The following DMD variants were observed in gnomAD, a reference collection of about 807,000 sequenced individuals.
DMD encodes the protein mutant dystrophin.
In DMD, 63 loss-of-function variants were observed where a neutral mutation model predicts 330.1. That is an observed-to-expected ratio of 0.19 (90% CI 0.16 to 0.24). The LOEUF (loss-of-function observed/expected upper bound fraction) is 0.24. DMD is among the 10% of genes least tolerant of loss of function. The probability of loss-of-function intolerance (pLI) is 1.00; values close to 1 mark genes in which losing one functional copy is unlikely to be tolerated. For missense variants in DMD, 3,344 were observed against 2,684.1 expected, an observed-to-expected ratio of 1.25 and a Z score of -5.43; for synonymous variants, 1,223 against 959.8, an observed-to-expected ratio of 1.27 and a Z score of -5.07.
chrX:32,587,507 T>A (rs5927085), intron 13 of DMD, among the ~76,000 whole-genome samples: 1 of 111,789 alleles, frequency 8.9e-6, no homozygotes, highest in African/African-American at 3.2e-5. Flanking sequence ...TTTTTTCTTA[T>A]GAAAGTAATT....
chrX:32,213,593 A>G (rs1430680783), intron 44 of DMD, among the ~76,000 whole-genome samples: 1 of 112,148 alleles, frequency 8.9e-6, no homozygotes, highest in Non-Finnish European at 1.9e-5. Flanking sequence ...TCTTTTCTGA[A>G]AGAATTTTTC....
chrX:31,575,210 T>C (rs1569552287), intron 55 of DMD, among the ~76,000 whole-genome samples: 3 of 112,098 alleles, frequency 2.7e-5, no homozygotes, highest in African/African-American at 9.7e-5. Flanking sequence ...TGTAGATGTA[T>C]AACAAAACTA....
intron 30 of DMD, among the ~76,000 whole-genome samples, chrX:32,409,470 A>C (rs2098133068): frequency 9.0e-6 from 1 of 111,656 alleles, no homozygotes; most frequent in South Asian, 3.7e-4. Flanking sequence ...AAAAACAAGT[A>C]ATGTTTATAA....
chrX:33,256,454 C>T (rs1238015929), intron 1 of DMD, among the ~76,000 whole-genome samples: 4 of 110,220 alleles, frequency 3.6e-5, no homozygotes, highest in African/African-American at 1.3e-4. Flanking sequence ...CCTAGAAAAG[C>T]GTGGCTTCTA....
intron 1 of DMD, among the ~76,000 whole-genome samples, chrX:33,258,656 A>G (rs2052899143): frequency 9.0e-6 from 1 of 111,010 alleles, no homozygotes; most frequent in Non-Finnish European, 1.9e-5. Flanking sequence ...GCCTTTCTCC[A>G]CTTTATCCTA....
intron 51 of DMD, among the ~76,000 whole-genome samples, chrX:31,764,644 A>T (rs1447957473): frequency 9.0e-6 from 1 of 111,704 alleles, no homozygotes; most frequent in Non-Finnish European, 1.9e-5. Context: ...AATTTTTTTT[A>T]ATTTCTAGTT....
chrX:31,726,788 T>A (rs1211784880), intron 52 of DMD, among the ~76,000 whole-genome samples: 1 of 112,175 alleles, frequency 8.9e-6, no homozygotes, highest in African/African-American at 3.2e-5. Context: ...AGACTCTTAA[T>A]AAGCGCTATG....
At chrX:32,670,678 A>G (rs758631173) in intron 9 of DMD, among the ~76,000 whole-genome samples, 3 of 112,590 alleles carry the variant, frequency 2.7e-5, no homozygotes, top group South Asian at 3.6e-4. Context: ...TGGAATTTTA[A>G]GAAAGTAAGC....
At chrX:33,128,478 A>C in intron 1 of DMD, 1 of 900,031 alleles carries the variant, frequency 1.1e-6, no homozygotes, top group Non-Finnish European at 1.4e-6. Flanking sequence ...TCACCGGCTC[A>C]ATCTACCTGA....
At chrX:31,237,124 AT>A (rs1000666034) in intron 63 of DMD, among the ~76,000 whole-genome samples, 3 of 112,259 alleles carry the variant, frequency 2.7e-5, no homozygotes, top group African/African-American at 9.7e-5. Flanking sequence ...TGCAAAAAAC[AT>A]TTTTGCAACA....
rs752270272 is a variant in DMD at position 33,085,131 on chromosome X, C to G, written c.32-64931G>C. 2.7e-5 allele frequency among the ~76,000 whole-genome samples: 3 copies of G among 111,197 alleles called. No homozygotes were observed. In the East Asian group the frequency reaches 8.5e-4, roughly 32 times the overall value. On this transcript the variant is annotated intron_variant, in intron 1 of 78. Transcript: ENST00000357033. ...CAGAATTGTACAAAACATTTTTAAACCTATATGTATTACTGATGATTTAAG... is the reference window on the plus strand; with the variant it reads ...CAGAATTGTACAAAACATTTTTAAAGCTATATGTATTACTGATGATTTAAG...
At chrX:32,531,058 A>G (rs2047432577) in intron 17 of DMD, among the ~76,000 whole-genome samples, 1 of 111,900 alleles carries the variant, frequency 8.9e-6, no homozygotes, top group Admixed American at 9.5e-5. Context: ...TCGTTTTCTT[A>G]TCTGCATAAC....
chrX:32,731,059 G>A lies in DMD; in HGVS notation c.650-31766C>T, dbSNP rs5928072. Among the ~76,000 whole-genome samples, 1,030 of 111,485 alleles carry A rather than the reference G, an allele frequency of 9.2e-3. 2 individuals carry two copies. The highest frequency in any genetic ancestry group is 0.013 in the Non-Finnish European group (703 of 53,046). ...GCGCAGCTCAGTGGGTGCGTGCACC[G>A]TGCGCGACCCGAAGCAGGGTGAGGC... is the stretch of plus-strand genomic sequence containing the variant. On this transcript the variant is annotated intron_variant, in intron 7 of 78. Coordinates refer to ENST00000357033, the MANE Select transcript of DMD (RefSeq NM_004006.3).
chrX:32,111,761 C>T (rs1186979308), intron 44 of DMD, among the ~76,000 whole-genome samples: 1 of 111,113 alleles, frequency 9.0e-6, no homozygotes, highest in Non-Finnish European at 1.9e-5. Context: ...CAGCTCTGAC[C>T]GAATCATAAT....
chrX:32,608,368 T>C (rs933803100), intron 12 of DMD, among the ~76,000 whole-genome samples: 6 of 110,744 alleles, frequency 5.4e-5, no homozygotes, highest in Non-Finnish European at 1.1e-4. Flanking sequence ...AGTGTGATGT[T>C]CTTTTTTACA....
intron 55 of DMD, among the ~76,000 whole-genome samples, chrX:31,525,388 C>G (rs2073165743): frequency 9.0e-6 from 1 of 111,639 alleles, no homozygotes; most frequent in Admixed American, 9.5e-5. Flanking sequence ...TTTCTGTGCT[C>G]CTTTCTTTGC....
intron 44 of DMD, among the ~76,000 whole-genome samples, chrX:32,089,778 A>T (rs1392006868): frequency 8.9e-6 from 1 of 112,209 alleles, no homozygotes; most frequent in Non-Finnish European, 1.9e-5. Context: ...TTTATGGTAG[A>T]ATGATTTCTA....
At chrX:32,554,943 G>A (rs6631603) in intron 16 of DMD, among the ~76,000 whole-genome samples, 1,232 of 18,065 alleles carry the variant, frequency 0.068, 128 homozygotes, top group African/African-American at 0.27. Flanking sequence ...GAAAGAAAGA[G>A]AGAGAGAGGG....
intron 50 of DMD, among the ~76,000 whole-genome samples, chrX:31,796,267 G>T (rs907565356): frequency 8.9e-6 from 1 of 112,092 alleles, no homozygotes; most frequent in Admixed American, 9.5e-5. Context: ...AAATTGCAGT[G>T]CTAAATAAGA....
Sources: gnomAD v4.1 joint callset for allele counts (sites outside exome capture counted in the v4.1 genomes callset) on GRCh38, gnomAD v4.1.1 for gene constraint, MANE v1.5 for transcripts, NCBI Gene and HGNC (gene_info 2026-07-23, HGNC 2026-07-21) for gene names.